KCNN2: variants seen among roughly 807,000 people sequenced by gnomAD.
KCNN2 encodes the protein small conductance calcium-activated potassium channel protein 2.
In KCNN2, 24 loss-of-function variants were observed where a neutral mutation model predicts 55.5. The observed-to-expected ratio is 0.43, with a 90% CI of 0.31 to 0.61. KCNN2 has a LOEUF of 0.61. Among genes scored for constraint, KCNN2 ranks in the 20% least tolerant of loss-of-function variants. The pLI is 0.08. For synonymous variants in KCNN2, 431 were observed against 336.1 expected, an observed-to-expected ratio of 1.28 and a Z score of -3.09; for missense variants, 754 against 853.6, an observed-to-expected ratio of 0.88 and a Z score of 1.45.
At chr5:114,389,225 C>T (rs560998034) in intron 2 of KCNN2, among the ~76,000 whole-genome samples, 95 of 151,980 alleles carry the variant, frequency 6.3e-4, no homozygotes, top group Non-Finnish European at 1.2e-3. Context: ...ATGTTCGTTT[C>T]TCCTTTGCTG....
At chr5:114,258,740 C>G (rs1403366969) in intron 2 of KCNN2, among the ~76,000 whole-genome samples, 6 of 152,188 alleles carry the variant, frequency 3.9e-5, no homozygotes, top group Non-Finnish European at 8.8e-5. Flanking sequence ...CAGACAATAT[C>G]TCCAGGCTGC....
Position 114,087,071 on chromosome 5 carries a change from G to C in KCNN2, c.-271+30571G>C, listed in dbSNP as rs112840092. On this transcript the variant is annotated intron_variant, in intron 1 of 10. Coordinates refer to the KCNN2 transcript ENST00000512097. Reference sequence around the variant, plus strand: ...GTTTTTTCATTTTTGTTGCCAACTTGTATGTTTCTTTGAGAAGTGCCTGTC... The same window carrying C: ...GTTTTTTCATTTTTGTTGCCAACTTCTATGTTTCTTTGAGAAGTGCCTGTC... Among the ~76,000 whole-genome samples, 343 of 151,968 alleles carry C rather than the reference G, an allele frequency of 2.3e-3. 2 individuals carry two copies. Among genetic ancestry groups the C allele is most frequent in the African/African-American group, 7.6e-3 (314 of 41,506 alleles).
At chr5:114,199,563 C>G (rs1753627937) in intron 1 of KCNN2, among the ~76,000 whole-genome samples, 1 of 150,838 alleles carries the variant, frequency 6.6e-6, no homozygotes, top group South Asian at 2.1e-4. Context: ...CATTTGATTT[C>G]TTTCTCATCC....
intron 2 of KCNN2, among the ~76,000 whole-genome samples, chr5:114,261,078 T>C (rs992074382): frequency 6.6e-6 from 1 of 152,234 alleles, no homozygotes; most frequent in African/African-American, 2.4e-5. Context: ...GTGATAAATA[T>C]ATACTGTGTA....
chr5:114,097,135 G>A (rs4705623), intron 1 of KCNN2, among the ~76,000 whole-genome samples: 1 of 152,118 alleles, frequency 6.6e-6, no homozygotes, highest in African/African-American at 2.4e-5. Context: ...TGAATGGTTA[G>A]ATTTGATAGA....
intron 5 of KCNN2, among the ~76,000 whole-genome samples, chr5:114,473,833 A>G (rs1404176592): frequency 6.6e-6 from 1 of 152,170 alleles, no homozygotes; most frequent in Admixed American, 6.5e-5. Context: ...TATTCTGGCC[A>G]TTTTATAAAT....
At chr5:114,068,718 G>A (rs1184137400) in intron 1 of KCNN2, among the ~76,000 whole-genome samples, 1 of 152,224 alleles carries the variant, frequency 6.6e-6, no homozygotes, top group Non-Finnish European at 1.5e-5. Flanking sequence ...AGTAGACATT[G>A]ACCAAGGAAA....
At chr5:114,271,068 G>T (rs1327652245) in intron 2 of KCNN2, among the ~76,000 whole-genome samples, 1 of 152,152 alleles carries the variant, frequency 6.6e-6, no homozygotes, top group Non-Finnish European at 1.5e-5. Context: ...ACCCGAGTGG[G>T]TTGCTGCTGC....
chr5:114,472,704 T>C, intron 4 of KCNN2, among the ~76,000 whole-genome samples: 1 of 152,232 alleles, frequency 6.6e-6, no homozygotes, highest in South Asian at 2.1e-4. Flanking sequence ...TATGCTAATC[T>C]ACTCATTTGT....
At chr5:114,400,869 C>T (rs915860675) in intron 2 of KCNN2, among the ~76,000 whole-genome samples, 4 of 152,126 alleles carry the variant, frequency 2.6e-5, no homozygotes, top group Admixed American at 2.6e-4. Context: ...ACTGTCATCT[C>T]TAATGCATTA....
At chr5:114,175,276 TCTTA>T (rs1753112660) in intron 1 of KCNN2, among the ~76,000 whole-genome samples, 1 of 152,192 alleles carries the variant, frequency 6.6e-6, no homozygotes, top group Admixed American at 6.6e-5. Flanking sequence ...TTACAAAGTT[TCTTA>T]CTAAGGATTG....
intron 2 of KCNN2, among the ~76,000 whole-genome samples, chr5:114,280,682 C>A (rs1434065999): frequency 6.6e-6 from 1 of 152,174 alleles, no homozygotes; most frequent in Admixed American, 6.5e-5. Context: ...CCTGACACTG[C>A]AGTAGCCTGG....
chr5:114,486,954 C>T, intron 5 of KCNN2, 96 bp from the exon 6 acceptor site: 2 of 1,411,364 alleles, frequency 1.4e-6, no homozygotes, highest in Non-Finnish European at 2.0e-6. Context: ...AGCTACAGCT[C>T]ACCATGATCC....
At chr5:114,286,729 A>G (rs1173963340) in intron 2 of KCNN2, among the ~76,000 whole-genome samples, 1 of 152,236 alleles carries the variant, frequency 6.6e-6, no homozygotes, top group African/African-American at 2.4e-5. Flanking sequence ...AAAGATGACA[A>G]TGAGTTTCTA....
intron 1 of KCNN2, among the ~76,000 whole-genome samples, chr5:114,085,597 G>A (rs1750998974): frequency 1.3e-5 from 2 of 151,786 alleles, no homozygotes; most frequent in East Asian, 1.9e-4. Context: ...AAATTCTGTT[G>A]TATAAAAAAC....
At chr5:114,225,555 C>T (rs767818456) in intron 2 of KCNN2, among the ~76,000 whole-genome samples, 1 of 152,048 alleles carries the variant, frequency 6.6e-6, no homozygotes, top group Non-Finnish European at 1.5e-5. Context: ...ATATCTCTAG[C>T]ACACAGAACA....
intron 1 of KCNN2, among the ~76,000 whole-genome samples, chr5:114,172,095 A>G (rs899266499): frequency 3.9e-5 from 6 of 151,910 alleles, no homozygotes; most frequent in Admixed American, 3.9e-4. Context: ...CCTATTGAAG[A>G]TAAGCCTTTG....
Position 114,495,958 on chromosome 5 carries a change from A to C in KCNN2, c.2152A>C (p.Arg718=). Residue 718 remains arginine, a synonymous_variant, in exon 8 of 8, where the codon AGG becomes CGG. Coordinates refer to ENST00000673685, the MANE Select transcript of KCNN2 (RefSeq NM_021614.4). ...LNERSEDFEK[R]IVTLETKLET... ...CGAAAGGAGTGAAGACTTCGAGAAG[A>C]GGATTGTTACCCTGGAAACAAAACT... The C allele has an allele frequency of 6.2e-7, 1 of 1,614,100 alleles. No individual in the cohort carries two copies. The highest frequency in any genetic ancestry group is 8.5e-7 in the Non-Finnish European group (1 of 1,179,964).
At chr5:114,124,736 G>T (rs1751896794) in intron 1 of KCNN2, among the ~76,000 whole-genome samples, 1 of 152,066 alleles carries the variant, frequency 6.6e-6, no homozygotes, top group South Asian at 2.1e-4. Context: ...AATTTACACT[G>T]TTTGCCTTCT....
Sources: allele counts gnomAD v4.1 joint callset (sites outside exome capture counted in the v4.1 genomes callset), GRCh38; gene constraint gnomAD v4.1.1; transcripts MANE v1.5; gene names NCBI Gene and HGNC (gene_info 2026-07-23, HGNC 2026-07-21).